PNMA8C: variants seen among roughly 807,000 people sequenced by gnomAD.
PNMA8C encodes the protein PNMA family member 8C.
chr19:46,426,417 C>G lies in PNMA8C; in HGVS notation c.*1328G>C, dbSNP rs1425915365. On this transcript the variant is annotated 3_prime_UTR_variant, in exon 1 of 1. Transcript: ENST00000617053. ...AGGTGGGGAGCAGGCAACTCACTCT[C>G]AGCCATGGTTTCTGCTTGACATGCG... 6.6e-6 allele frequency: 1 copy of G among 152,124 alleles called. No individual in the cohort carries two copies. Among genetic ancestry groups the G allele is most frequent in the Non-Finnish European group, 1.5e-5 (1 of 68,048 alleles). 9.4% of individuals were successfully genotyped at this position (152,124 alleles called of 1,614,324 possible). A position where few individuals can be genotyped will look rare whatever the true frequency, so the allele number is the denominator to read the frequency against.
Position 46,428,538 on chromosome 19 carries a change from A to G in PNMA8C, c.-179T>C. The G allele has an allele frequency of 2.5e-6, 1 of 396,540 alleles. No homozygotes were observed. The highest frequency in any genetic ancestry group is 4.4e-6 in the Non-Finnish European group (1 of 225,298). 24.6% of individuals were successfully genotyped at this position (396,540 alleles called of 1,614,324 possible). ...GTCCAGCTCAGTGAAGGATGCCCCC[A>G]GCCCCTGCCTGCAGGGCTGTGCAAC... On this transcript the variant is annotated 5_prime_UTR_variant, in exon 1 of 1. Coordinates refer to ENST00000617053, the MANE Select transcript of PNMA8C (RefSeq NM_001386793.1).
rs887415500 is a variant in PNMA8C, at chr19:46,428,350, C to T, written c.10G>A (p.Gly4Arg). MLF[G>R]VKDIALLEHG... The stretch of plus-strand genomic sequence containing the variant: ...TCCAACAGTGCAATGTCCTTCACCC[C>T]GAACAGCATCTTGCCCAACTCTTTG... The change falls in exon 1 of 1, where the codon GGG becomes AGG. Residue 4 changes from glycine (G) to arginine (R), a missense_variant. By Grantham distance (125) the Gly-to-Arg change is moderately radical. Transcript: ENST00000617053. The T allele has an allele frequency of 5.3e-5, 21 of 398,606 alleles. No individual in the cohort carries two copies. The highest frequency in any genetic ancestry group is 8.0e-5 in the Non-Finnish European group (18 of 226,152). 24.7% of individuals were successfully genotyped at this position (398,606 alleles called of 1,614,324 possible). A position where few individuals can be genotyped will look rare whatever the true frequency, so the allele number is the denominator to read the frequency against.
Position 46,428,615 on chromosome 19 carries a change from T to TAGG in PNMA8C, c.-257_-256insCCT. 1 of 372,254 alleles carries TAGG rather than the reference T, an allele frequency of 2.7e-6. No individual in the cohort carries two copies. Among genetic ancestry groups the TAGG allele is most frequent in the Non-Finnish European group, 4.8e-6 (1 of 209,698 alleles). 23.1% of individuals were successfully genotyped at this position (372,254 alleles called of 1,614,324 possible). ...GTGGGCTCGAAGATTCCCAGGGACT[T>TAGG]ACGCGTGCTGGAGAAGCAGAAGGCG... On this transcript the variant is annotated 5_prime_UTR_variant, in exon 1 of 1. Transcript: ENST00000617053.
At position 46,428,726 on chromosome 19, in the gene PNMA8C, C is replaced by A. The variant is rs997397866; in HGVS notation, c.-367G>T. The A allele has an allele frequency of 4.9e-5, 9 of 183,900 alleles. No homozygotes were observed. Among genetic ancestry groups the A allele is most frequent in the South Asian group, 3.9e-4 (2 of 5,130 alleles). 11.4% of individuals were successfully genotyped at this position (183,900 alleles called of 1,614,324 possible). ...AAAGATGATGCTTCCCCTTTCTTGG[C>A]GTGGCCTCCGAAGGTCTCACAGGCC... On this transcript the variant is annotated 5_prime_UTR_variant, in exon 1 of 1. Transcript: ENST00000617053.
In PNMA8C at chr19:46,428,171, T is replaced by C. The variant is rs1969434269; in HGVS notation, c.189A>G (p.Glu63=). 2 of 398,562 alleles carry C rather than the reference T, an allele frequency of 5.0e-6. No individual in the cohort carries two copies. The highest frequency in any genetic ancestry group is 8.8e-6 in the Non-Finnish European group (2 of 226,130). The allele number at this position is 398,562 out of a possible 1,614,324, so 24.7% of individuals were successfully genotyped here. A position where few individuals can be genotyped will look rare whatever the true frequency, so the allele number is the denominator to read the frequency against. Residue 63 remains glutamate (E), a synonymous_variant, in exon 1 of 1, where the codon GAA becomes GAG. Transcript: ENST00000617053. The part of the protein sequence containing the change: ...KFEVAGKAYL[E]EDKSKAAIIQ... The stretch of plus-strand genomic sequence containing the variant: ...TGATGGCCGCCTTGGATTTATCTTC[T>C]TCCAGATAGGCCTTCCCAGCCACTT...
chr19:46,427,511 G>A lies in PNMA8C; in HGVS notation c.*234C>T, dbSNP rs971948012. The stretch of plus-strand genomic sequence containing the variant: ...CCACTCAGATGTAACCCACAAGTTA[G>A]TTAACTCAGATAAAGATATCCACCT... On this transcript the variant is annotated 3_prime_UTR_variant, in exon 1 of 1. Coordinates refer to ENST00000617053, the MANE Select transcript of PNMA8C (RefSeq NM_001386793.1). 3 of 363,890 alleles carry A rather than the reference G, an allele frequency of 8.2e-6. No individual in the cohort carries two copies. Among genetic ancestry groups the A allele is most frequent in the Non-Finnish European group, 9.8e-6 (2 of 204,188 alleles). 22.5% of individuals were successfully genotyped at this position (363,890 alleles called of 1,614,324 possible).
Position 46,428,179 on chromosome 19 carries a change from A to C in PNMA8C, c.181T>G (p.Tyr61Asp), listed in dbSNP as rs1316004283. Reference sequence around the variant, plus strand: ...GCCTTGGATTTATCTTCTTCCAGATAGGCCTTCCCAGCCACTTCGAACTTG... The same window carrying C: ...GCCTTGGATTTATCTTCTTCCAGATCGGCCTTCCCAGCCACTTCGAACTTG... Reference protein sequence around the residue: ...LGKFEVAGKAYLEEDKSKAAI... With the variant: ...LGKFEVAGKADLEEDKSKAAI... Residue 61 changes from tyrosine (Y) to aspartate (D), a missense_variant, in exon 1 of 1, where the codon TAT becomes GAT. Transcript: ENST00000617053. 2 of 398,544 alleles carry C rather than the reference A, an allele frequency of 5.0e-6. No homozygotes were observed. Among genetic ancestry groups the C allele is most frequent in the East Asian group, 7.1e-5 (2 of 28,086 alleles). The allele number at this position is 398,544 out of a possible 1,614,324, so 24.7% of individuals were successfully genotyped here.
Position 46,428,693 on chromosome 19 carries a change from G to T in PNMA8C, c.-334C>A. 1 of 251,474 alleles carries T rather than the reference G, an allele frequency of 4.0e-6. No individual in the cohort carries two copies. Among genetic ancestry groups the T allele is most frequent in the Non-Finnish European group, 7.5e-6 (1 of 132,990 alleles). The allele number at this position is 251,474 out of a possible 1,614,324, so 15.6% of individuals were successfully genotyped here. On this transcript the variant is annotated 5_prime_UTR_variant, in exon 1 of 1. Coordinates refer to ENST00000617053, the MANE Select transcript of PNMA8C (RefSeq NM_001386793.1). ...GGGTCCTGGGCAAGGCTGCACCAAG[G>T]AGGGTCTAAAGATGATGCTTCCCCT...
Position 46,428,173 on chromosome 19 carries a change from C to T in PNMA8C, c.187G>A (p.Glu63Lys). Residue 63 changes from glutamate (E) to lysine (K), a missense_variant, in exon 1 of 1, where the codon GAA becomes AAA. Physicochemically the swap from Glu to Lys is moderately conservative, Grantham distance 56. Coordinates refer to ENST00000617053, the MANE Select transcript of PNMA8C (RefSeq NM_001386793.1). Reference sequence around the variant, plus strand: ...ATGGCCGCCTTGGATTTATCTTCTTCCAGATAGGCCTTCCCAGCCACTTCG... The same window carrying T: ...ATGGCCGCCTTGGATTTATCTTCTTTCAGATAGGCCTTCCCAGCCACTTCG... ...KFEVAGKAYL[E>K]EDKSKAAIIQ... 1 of 398,676 alleles carries T rather than the reference C, an allele frequency of 2.5e-6. No individual in the cohort carries two copies. The highest frequency in any genetic ancestry group is 3.6e-5 in the East Asian group (1 of 28,072). 24.7% of individuals were successfully genotyped at this position (398,676 alleles called of 1,614,324 possible).
At position 46,426,297 on chromosome 19, in the gene PNMA8C, G is replaced by C. The variant is rs961324208; in HGVS notation, c.*1448C>G. The C allele has an allele frequency of 6.6e-6, 1 of 152,084 alleles. No homozygotes were observed. The highest frequency in any genetic ancestry group is 2.4e-5 in the African/African-American group (1 of 41,422). 9.4% of individuals were successfully genotyped at this position (152,084 alleles called of 1,614,324 possible). A position where few individuals can be genotyped will look rare whatever the true frequency, so the allele number is the denominator to read the frequency against. ...CCCCAGGCGCCAATCGGGGCAGAAG[G>C]GTCCCGCTTCTGACCACTTCTGTAA... On this transcript the variant is annotated 3_prime_UTR_variant, in exon 1 of 1. Coordinates refer to ENST00000617053, the MANE Select transcript of PNMA8C (RefSeq NM_001386793.1).
chr19:46,427,962 A>G lies in PNMA8C; in HGVS notation c.398T>C (p.Leu133Pro). The G allele has an allele frequency of 2.5e-6, 1 of 398,400 alleles. No homozygotes were observed. Among genetic ancestry groups the G allele is most frequent in the Non-Finnish European group, 4.4e-6 (1 of 226,052 alleles). The allele number at this position is 398,400 out of a possible 1,614,324, so 24.7% of individuals were successfully genotyped here. ...EDMARVLRQE[L>P]CPPATGPREL... ...TCTGGGGCCCGTGGCTGGGGGACAC[A>G]GTTCCTGCCTCAGGACCCGGGCCAT... Residue 133 changes from leucine (L) to proline (P), a missense_variant, in exon 1 of 1, where the codon CTG becomes CCG. Leu to Pro is a moderately conservative substitution (Grantham distance 98). Coordinates refer to ENST00000617053, the MANE Select transcript of PNMA8C (RefSeq NM_001386793.1).
At position 46,427,375 on chromosome 19, in the gene PNMA8C, T is replaced by A. The variant is rs190641039; in HGVS notation, c.*370A>T. On this transcript the variant is annotated 3_prime_UTR_variant, in exon 1 of 1. Transcript: ENST00000617053. ...TCTGAGTGCCATGAAGGCAGGGATT[T>A]TTATTGAGTTTACTCCCTTCCATAT... is the stretch of plus-strand genomic sequence containing the variant. 293 of 169,450 alleles carry A rather than the reference T, an allele frequency of 1.7e-3. No individual in the cohort carries two copies. The highest frequency in any genetic ancestry group is 6.7e-3 in the African/African-American group (283 of 42,290). 10.5% of individuals were successfully genotyped at this position (169,450 alleles called of 1,614,324 possible).
Position 46,428,416 on chromosome 19 carries a change from G to C in PNMA8C, c.-57C>G, listed in dbSNP as rs1969436005. The C allele has an allele frequency of 2.0e-5, 8 of 398,360 alleles. No homozygotes were observed. In the East Asian group the frequency reaches 2.8e-4, roughly 14 times the overall value. 24.7% of individuals were successfully genotyped at this position (398,360 alleles called of 1,614,324 possible). ...CGCTGGTGGACACCTGAGCTGCCTC[G>C]GGAATCCACGAAATTATCCAGGATG... On this transcript the variant is annotated 5_prime_UTR_variant, in exon 1 of 1. Transcript: ENST00000617053.
rs34559985 is a variant in PNMA8C at position 46,425,587 on chromosome 19, CAAAAAAAAAAAAAAA to C, written c.*2143_*2157del. On this transcript the variant is annotated 3_prime_UTR_variant, in exon 1 of 1. Coordinates refer to ENST00000617053, the MANE Select transcript of PNMA8C (RefSeq NM_001386793.1). The stretch of plus-strand genomic sequence containing the variant: ...TGGGCTACAGAAGGAGACTCCACCT[CAAAAAAAAAAAAAAA>C]AAAAAAAAAAGAATCAACAGAGAAG... 1.6e-5 allele frequency: 1 copy of C among 62,474 alleles called. No individual in the cohort carries two copies. The highest frequency in any genetic ancestry group is 7.9e-5 in the African/African-American group (1 of 12,672). 3.9% of individuals were successfully genotyped at this position (62,474 alleles called of 1,614,324 possible).
rs1969417936 is a variant in PNMA8C at position 46,426,106 on chromosome 19, C to CA, written c.*1638dup. On this transcript the variant is annotated 3_prime_UTR_variant, in exon 1 of 1. Coordinates refer to ENST00000617053, the MANE Select transcript of PNMA8C (RefSeq NM_001386793.1). The stretch of plus-strand genomic sequence containing the variant: ...TGATTTTTAAAATTCTTCTTCACCT[C>CA]AGTGTTAACGTCGTTCATTGGTAAC... 3 of 152,302 alleles carry CA rather than the reference C, an allele frequency of 2.0e-5. No individual in the cohort carries two copies. In the South Asian group the frequency reaches 6.2e-4, roughly 32 times the overall value. The allele number at this position is 152,302 out of a possible 1,614,324, so 9.4% of individuals were successfully genotyped here. A position where few individuals can be genotyped will look rare whatever the true frequency, so the allele number is the denominator to read the frequency against.
Position 46,428,111 on chromosome 19 carries a change from GA to G in PNMA8C, c.248del (p.Val83AlafsTer26), listed in dbSNP as rs1401729785. The G allele has an allele frequency of 1.0e-5, 4 of 398,568 alleles. No homozygotes were observed. The highest frequency in any genetic ancestry group is 8.2e-5 in the African/African-American group (4 of 48,620). 24.7% of individuals were successfully genotyped at this position (398,568 alleles called of 1,614,324 possible). The stretch of plus-strand genomic sequence containing the variant: ...CGCCCTTGCCCTTGATCTCCCTGGG[GA>G]CCACGGCGTAATTGATGTCCTCCGT... Reference protein sequence around the residue: ...QLTEDINYAVVPREIKGKGGV... With the variant: ...QLTEDINYAVXPREIKGKGGV... On this transcript the variant is annotated frameshift_variant, in exon 1 of 1. Transcript: ENST00000617053. LOFTEE classifies it low-confidence loss of function (END_TRUNC).
Position 46,427,558 on chromosome 19 carries a change from A to G in PNMA8C, c.*187T>C. On this transcript the variant is annotated 3_prime_UTR_variant, in exon 1 of 1. Transcript: ENST00000617053. ...ACCTCTTTCGCACTAGTCAGATGTT[A>G]CCTGTGCTATCCAAATGATACCCAT... The G allele has an allele frequency of 2.5e-6, 1 of 394,412 alleles. No homozygotes were observed. The allele number at this position is 394,412 out of a possible 1,614,324, so 24.4% of individuals were successfully genotyped here. A position where few individuals can be genotyped will look rare whatever the true frequency, so the allele number is the denominator to read the frequency against.
rs189220899 is a variant in PNMA8C, at chr19:46,424,986, G to C, written c.*2759C>G. On this transcript the variant is annotated 3_prime_UTR_variant, in exon 1 of 1. Transcript: ENST00000617053. ...CACTTTGGTCCAGAAAATCTTGAAA[G>C]AGAAGTGGTAGGATTTTGATTTCAT... The C allele has an allele frequency of 4.6e-5, 7 of 152,346 alleles. No individual in the cohort carries two copies. In the East Asian group the frequency reaches 1.3e-3, roughly 29 times the overall value. 9.4% of individuals were successfully genotyped at this position (152,346 alleles called of 1,614,324 possible). A position where few individuals can be genotyped will look rare whatever the true frequency, so the allele number is the denominator to read the frequency against.
In PNMA8C at chr19:46,424,814, C is replaced by G. The variant is rs1305122535; in HGVS notation, c.*2931G>C. 6.6e-6 allele frequency: 1 copy of G among 152,136 alleles called. No homozygotes were observed. Among genetic ancestry groups the G allele is most frequent in the Admixed American group, 6.6e-5 (1 of 15,266 alleles). 9.4% of individuals were successfully genotyped at this position (152,136 alleles called of 1,614,324 possible). On this transcript the variant is annotated 3_prime_UTR_variant, in exon 1 of 1. Coordinates refer to ENST00000617053, the MANE Select transcript of PNMA8C (RefSeq NM_001386793.1). ...TTTTGAAATCAGGGGTTTACAGAAGCCAGATGCAGCCCTCCAACAGCTGGC... is the reference window on the plus strand; with the variant it reads ...TTTTGAAATCAGGGGTTTACAGAAGGCAGATGCAGCCCTCCAACAGCTGGC...
Sources: gnomAD v4.1 joint callset for allele counts on GRCh38, gnomAD v4.1.1 for gene constraint, MANE v1.5 for transcripts, NCBI Gene and HGNC (gene_info 2026-07-23, HGNC 2026-07-21) for gene names.